Variants in WRN observed in about 807,000 individuals in gnomAD.
The protein encoded by WRN is bifunctional 3'-5' exonuclease/ATP-dependent helicase WRN.
WRN carries 149 observed loss-of-function variants against 180.7 expected under a neutral mutation model. The ratio of observed to expected loss-of-function variants is 0.82; its 90% CI spans 0.72 to 0.94. The LOEUF (loss-of-function observed/expected upper bound fraction) is 0.94, where lower values mean the gene tolerates loss of function less well. Among genes scored for constraint, WRN ranks in the 40% least tolerant of loss-of-function variants. The pLI, the probability that WRN is intolerant of heterozygous loss-of-function variation, is 0.00. For synonymous variants in WRN, 548 were observed against 568.9 expected (o/e 0.96, Z 0.52); for missense variants, 1,661 against 1,700.1 (o/e 0.98, Z 0.40).
intron 18 of WRN, among the ~76,000 whole-genome samples, chr8:31,102,678 A>T (rs1800924473): frequency 6.6e-6 from 1 of 152,178 alleles, no homozygotes; most frequent in Non-Finnish European, 1.5e-5. Flanking sequence ...CTGTGAATGG[A>T]GCTTGTAGGA....
chr8:31,099,008 C>G (rs1585452472), intron 17 of WRN, among the ~76,000 whole-genome samples: 1 of 151,308 alleles, frequency 6.6e-6, no homozygotes, highest in East Asian at 1.9e-4. Flanking sequence ...CAGTGAGACC[C>G]CATCTCTGAA....
At chr8:31,081,816 A>C (rs1333032603) in intron 9 of WRN, among the ~76,000 whole-genome samples, 1 of 151,902 alleles carries the variant, frequency 6.6e-6, no homozygotes, top group Admixed American at 6.6e-5. Flanking sequence ...GCTGGAGTGC[A>C]GTGGTGGGAT....
chr8:31,117,506 A>G (rs1801568171), intron 20 of WRN, among the ~76,000 whole-genome samples: 1 of 152,160 alleles, frequency 6.6e-6, no homozygotes, highest in Non-Finnish European at 1.5e-5. Flanking sequence ...TGGGTGTCAT[A>G]GAGGATTTAT....
intron 1 of WRN, among the ~76,000 whole-genome samples, chr8:31,044,231 C>T (rs540384618): frequency 1.1e-4 from 16 of 151,272 alleles, no homozygotes; most frequent in Admixed American, 8.6e-4. Context: ...TTAGTAGAGA[C>T]GGGGTTTCAC....
At chr8:31,041,052 T>C (rs1212084608) in intron 1 of WRN, among the ~76,000 whole-genome samples, 1 of 152,196 alleles carries the variant, frequency 6.6e-6, no homozygotes, top group African/African-American at 2.4e-5. Context: ...AAAAGGTAGA[T>C]GTATTAGAGT....
At chr8:31,049,435 G>GT (rs1325714109) in intron 1 of WRN, among the ~76,000 whole-genome samples, 20 of 151,212 alleles carry the variant, frequency 1.3e-4, no homozygotes, top group Non-Finnish European at 2.9e-4. Flanking sequence ...GGGAGGCTGA[G>GT]TGGGAGGATT....
chr8:31,157,528 C>G lies in WRN; in HGVS notation c.3980C>G (p.Ser1327Ter). ...ADVIRNPPVN[S>*]DMSKISLIRM... ...GTTATCCGAAACCCTCCCGTCAACT[C>G]AGGTGAGAGGCATGGCCTAGCTCTG... The change falls in exon 33 of 35, where the codon TCA becomes TGA. Residue 1327 changes from serine to a stop codon, truncating the protein, a stop_gained and splice_region_variant. Coordinates refer to ENST00000298139, the MANE Select transcript of WRN (RefSeq NM_000553.6). LOFTEE classifies it high-confidence loss of function. 6.2e-7 allele frequency: 1 copy of G among 1,614,066 alleles called. No individual in the cohort carries two copies. Among genetic ancestry groups the G allele is most frequent in the Non-Finnish European group, 8.5e-7 (1 of 1,179,992 alleles).
chr8:31,149,473 T>G (rs71506520), intron 30 of WRN, among the ~76,000 whole-genome samples: 12,870 of 67,594 alleles, frequency 0.19, 2,292 homozygotes, highest in South Asian at 0.22. Context: ...TTTTTTTTTT[T>G]TTTTTTTTTT....
intron 1 of WRN, among the ~76,000 whole-genome samples, chr8:31,041,404 G>A (rs2129916889): frequency 6.6e-6 from 1 of 152,300 alleles, no homozygotes; most frequent in African/African-American, 2.4e-5. Flanking sequence ...AGGGCAATCT[G>A]CTTTACTCAG....
chr8:31,085,354 A>G (rs1813489528), intron 11 of WRN, 108 bp downstream of exon 11: 1 of 1,202,522 alleles, frequency 8.3e-7, no homozygotes, highest in African/African-American at 1.5e-5. Flanking sequence ...TGAAATTGCT[A>G]CTAATTATGT....
chr8:31,099,553 TTTTGTTTG>T (rs765995451), intron 17 of WRN, among the ~76,000 whole-genome samples: 2 of 151,190 alleles, frequency 1.3e-5, no homozygotes, highest in East Asian at 1.9e-4. Context: ...TAGGTTTTTT[TTTTGTTTG>T]TTTGTTTGTT....
intron 28 of WRN, among the ~76,000 whole-genome samples, chr8:31,145,858 C>T (rs1802837384): frequency 6.6e-6 from 1 of 152,016 alleles, no homozygotes. Flanking sequence ...TAGTGATAGA[C>T]ATACTGAGTT....
chr8:31,158,411 T>C (rs1803474359), intron 33 of WRN, among the ~76,000 whole-genome samples: 1 of 152,096 alleles, frequency 6.6e-6, no homozygotes, highest in Admixed American at 6.5e-5. Flanking sequence ...ATCCTTTTTT[T>C]TTTTAACAGA....
At chr8:31,099,051 C>T (rs1398337509) in intron 17 of WRN, among the ~76,000 whole-genome samples, 1 of 149,760 alleles carries the variant, frequency 6.7e-6, no homozygotes, top group Non-Finnish European at 1.5e-5. Flanking sequence ...GTACCTGTTA[C>T]AGTGCTAGTT....
chr8:31,149,464 T>G lies in WRN; in HGVS notation c.3573-877T>G, dbSNP rs1187999496. Among the ~76,000 whole-genome samples the G allele has an allele frequency of 8.6e-3, 216 of 24,978 alleles. 19 individuals carry two copies. The highest frequency in any genetic ancestry group is 0.022 in the African/African-American group (182 of 8,382). 16.4% of individuals were successfully genotyped at this position (24,978 alleles called of 152,430 possible). On this transcript the variant is annotated intron_variant, in intron 30 of 34. Coordinates refer to ENST00000298139, the MANE Select transcript of WRN (RefSeq NM_000553.6). ...ATACTTTAATAGAGGTGTTTTTTTT[T>G]TTTTTTTTTTTTTTTTTTTTTTTTT...
chr8:31,118,462 G>C (rs548512979), intron 20 of WRN, among the ~76,000 whole-genome samples: 1 of 152,062 alleles, frequency 6.6e-6, no homozygotes, highest in Admixed American at 6.6e-5. Flanking sequence ...TTGTAAAGAT[G>C]ATGAAAGTAT....
Position 31,083,734 on chromosome 8 carries a change from C to G in WRN, c.1305C>G (p.Ser435=), listed in dbSNP as rs1585431368. The part of the protein sequence containing the change: ...LSPNDNENDT[S]YVIESDEDLE... The stretch of plus-strand genomic sequence containing the variant: ...CCAATGATAATGAAAACGATACGTC[C>G]TATGTAATTGAGAGTGATGAAGATT... The change falls in exon 10 of 35, where the codon TCC becomes TCG. Residue 435 remains serine, a synonymous_variant. Coordinates refer to ENST00000298139, the MANE Select transcript of WRN (RefSeq NM_000553.6). The G allele has an allele frequency of 3.1e-6, 5 of 1,610,892 alleles. No homozygotes were observed. The highest frequency in any genetic ancestry group is 3.4e-6 in the Non-Finnish European group (4 of 1,177,926).
intron 3 of WRN, among the ~76,000 whole-genome samples, chr8:31,063,579 G>C (rs1245130970): frequency 2.6e-5 from 4 of 152,320 alleles, no homozygotes; most frequent in Non-Finnish European, 1.5e-5. Flanking sequence ...ACCACCGATA[G>C]ATATCCTCTT....
At chr8:31,114,416 T>C (rs1398267718) in intron 19 of WRN, among the ~76,000 whole-genome samples, 2 of 152,206 alleles carry the variant, frequency 1.3e-5, no homozygotes, top group Non-Finnish European at 2.9e-5. Context: ...TAAAAGTCTG[T>C]AGCAAATCAC....
Sources: allele counts gnomAD v4.1 joint callset (sites outside exome capture counted in the v4.1 genomes callset), GRCh38; gene constraint gnomAD v4.1.1; transcripts MANE v1.5; gene names NCBI Gene and HGNC (gene_info 2026-07-23, HGNC 2026-07-21).